NUP205: variants seen among roughly 807,000 people sequenced by gnomAD.
The protein encoded by NUP205 is nuclear pore complex protein Nup205.
Under a neutral mutation model 253.8 loss-of-function variants are expected in NUP205, and 76 were observed. That is an observed-to-expected ratio of 0.30 (90% CI 0.25 to 0.36). The LOEUF (loss-of-function observed/expected upper bound fraction) is 0.36, where lower values mean the gene tolerates loss of function less well. Among genes scored for constraint, NUP205 ranks in the 10% least tolerant of loss-of-function variants. The pLI, the probability that NUP205 is intolerant of heterozygous loss-of-function variation, is 1.00. For missense variants in NUP205, 2,162 were observed against 2,425.5 expected (o/e 0.89, Z 2.28); for synonymous variants, 832 against 850.1 (o/e 0.98, Z 0.37).
chr7:135,570,687 T>TA (rs1358694210), intron 1 of NUP205, among the ~76,000 whole-genome samples: 1 of 83,482 alleles, frequency 1.2e-5, no homozygotes, highest in Non-Finnish European at 2.2e-5. Context: ...ATATTAATTA[T>TA]ATTAATATAA....
At chr7:135,638,104 A>C in intron 37 of NUP205, 45 bp downstream of exon 37, 2 of 1,591,556 alleles carry the variant, frequency 1.3e-6, no homozygotes, top group Non-Finnish European at 8.5e-7. Flanking sequence ...TTTTTGGAAA[A>C]TGTTGATAAA....
chr7:135,578,826 A>T lies in NUP205; in HGVS notation c.953A>T (p.Gln318Leu), dbSNP rs761547741. Residue 318 changes from glutamine to leucine, a missense_variant, in exon 7 of 43, where the codon CAG becomes CTG. Physicochemically the swap from Gln to Leu is moderately radical, Grantham distance 113. Transcript: ENST00000285968. ...ATIHSRLQDSQLWKLPGLQAT... is the reference protein window; with the variant it reads ...ATIHSRLQDSLLWKLPGLQAT... ...ATTCACTCTCGTCTTCAGGACTCAC[A>T]GCTTTGGAAACTGCCTGGGCTCCAA... 2 of 1,612,422 alleles carry T rather than the reference A, an allele frequency of 1.2e-6. No individual in the cohort carries two copies. Among genetic ancestry groups the T allele is most frequent in the Non-Finnish European group, 1.7e-6 (2 of 1,179,496 alleles).
At chr7:135,577,332 A>C (rs183714847) in intron 5 of NUP205, among the ~76,000 whole-genome samples, 2 of 152,304 alleles carry the variant, frequency 1.3e-5, no homozygotes, top group East Asian at 1.9e-4. Context: ...ATTTTGATAC[A>C]TATGTATGAT....
chr7:135,570,044 TATATATATAGAGAGAGAG>T (rs1287928275), intron 1 of NUP205, among the ~76,000 whole-genome samples: 2 of 101,866 alleles, frequency 2.0e-5, no homozygotes, highest in Non-Finnish European at 4.4e-5. Context: ...TATATATATA[TATATATATAGAGAGAGAG>T]AGAGAGAGAG....
intron 22 of NUP205, among the ~76,000 whole-genome samples, chr7:135,610,759 T>C (rs1034870347): frequency 1.3e-5 from 2 of 152,184 alleles, no homozygotes; most frequent in African/African-American, 4.8e-5. Flanking sequence ...AAGAAGAGCT[T>C]GTTAGTTTAA....
Position 135,571,218 on chromosome 7 carries a change from C to A in NUP205, c.142C>A (p.Pro48Thr). The A allele has an allele frequency of 7.0e-7, 1 of 1,431,340 alleles. No homozygotes were observed. The highest frequency in any genetic ancestry group is 1.8e-5 in the South Asian group (1 of 56,704). The allele number at this position is 1,431,340 out of a possible 1,614,324, so 88.7% of individuals were successfully genotyped here. Residue 48 changes from proline to threonine, a missense_variant, in exon 2 of 43, where the codon CCT becomes ACT. Pro to Thr is a conservative substitution (Grantham distance 38). Transcript: ENST00000285968. ...LLDKILKKHK[P>T]DFISLFKNPP... ...TGATAAGATTTTGAAGAAACACAAA[C>A]CTGACTTCATCTCATTGTTCAAAAA...
intron 35 of NUP205, among the ~76,000 whole-genome samples, chr7:135,632,586 C>T (rs1014495521): frequency 2.6e-5 from 4 of 151,892 alleles, no homozygotes; most frequent in Non-Finnish European, 5.9e-5. Context: ...GAGAGTTGGC[C>T]AGGGCTGAGT....
chr7:135,576,604 G>A (rs942952472), intron 4 of NUP205, among the ~76,000 whole-genome samples, 190 bp downstream of exon 4: 3 of 152,042 alleles, frequency 2.0e-5, no homozygotes, highest in Non-Finnish European at 1.5e-5. Context: ...AATTTGGACC[G>A]AGGTGCAGTG....
intron 18 of NUP205, among the ~76,000 whole-genome samples, chr7:135,603,641 C>T (rs1794016177): frequency 6.7e-6 from 1 of 149,148 alleles, no homozygotes; most frequent in Non-Finnish European, 1.5e-5. Flanking sequence ...TCCCCAGTAG[C>T]TGGGACTATA....
Position 135,619,830 on chromosome 7 carries a change from T to A in NUP205, c.4272T>A (p.Ser1424=). ...GAGTGAGGACTCACTTGTATGGCTCTCTGCTTTATTACTTACAGATTGCCC... is the reference window on the plus strand; with the variant it reads ...GAGTGAGGACTCACTTGTATGGCTCACTGCTTTATTACTTACAGATTGCCC... ...FQRVRTHLYG[S]LLYYLQIAQR... The change falls in exon 30 of 43, where the codon TCT becomes TCA. Residue 1424 remains serine, a synonymous_variant. Transcript: ENST00000285968. 6.2e-7 allele frequency: 1 copy of A among 1,614,042 alleles called. No homozygotes were observed. Among genetic ancestry groups the A allele is most frequent in the Non-Finnish European group, 8.5e-7 (1 of 1,179,928 alleles).
intron 2 of NUP205, among the ~76,000 whole-genome samples, chr7:135,573,219 C>T (rs1228070090): frequency 6.6e-6 from 1 of 151,966 alleles, no homozygotes. Context: ...AATATTTGCA[C>T]CAAATTATCT....
intron 35 of NUP205, chr7:135,635,315 T>C (rs766666493): frequency 4.1e-6 from 1 of 242,542 alleles, no homozygotes. Flanking sequence ...ATAAAAAAAT[T>C]AGATTTTTCT....
chr7:135,638,255 C>A (rs1205262504), intron 37 of NUP205, among the ~76,000 whole-genome samples, 196 bp downstream of exon 37: 7 of 151,516 alleles, frequency 4.6e-5, no homozygotes, highest in Non-Finnish European at 1.0e-4. Flanking sequence ...ACTAAAAATA[C>A]AAAAAAAATT....
At chr7:135,628,534 A>G (rs1019692178) in intron 34 of NUP205, among the ~76,000 whole-genome samples, 1 of 152,218 alleles carries the variant, frequency 6.6e-6, no homozygotes, top group Non-Finnish European at 1.5e-5. Context: ...TACTGCATTT[A>G]TATATGATAG....
intron 31 of NUP205, 55 bp from the exon 32 acceptor site, chr7:135,625,106 CTGT>C: frequency 5.5e-6 from 7 of 1,273,520 alleles, no homozygotes; most frequent in Non-Finnish European, 7.8e-6. Context: ...AATTCAGTTA[CTGT>C]TGTTGATTTT....
At chr7:135,632,829 T>C (rs1200635907) in intron 35 of NUP205, among the ~76,000 whole-genome samples, 1 of 152,204 alleles carries the variant, frequency 6.6e-6, no homozygotes, top group Non-Finnish European at 1.5e-5. Flanking sequence ...CTCAATGTAC[T>C]TCTGTAAATT....
chr7:135,576,190 A>T, intron 3 of NUP205, 80 bp from the exon 4 acceptor site: 1 of 1,249,778 alleles, frequency 8.0e-7, no homozygotes, highest in Non-Finnish European at 1.2e-6. Flanking sequence ...TTTGAACTGA[A>T]CATTGTTATA....
At chr7:135,563,411 T>A (rs556282808) in intron 1 of NUP205, among the ~76,000 whole-genome samples, 2 of 152,128 alleles carry the variant, frequency 1.3e-5, no homozygotes, top group African/African-American at 4.8e-5. Context: ...ACGGTCTTGA[T>A]CTCCTGACCT....
chr7:135,630,074 T>C (rs1476281585), intron 34 of NUP205, among the ~76,000 whole-genome samples: 1 of 152,212 alleles, frequency 6.6e-6, no homozygotes, highest in Non-Finnish European at 1.5e-5. Flanking sequence ...AGTCTCCAAA[T>C]GTATTAACTT....
Sources: gnomAD v4.1 joint callset for allele counts (sites outside exome capture counted in the v4.1 genomes callset) on GRCh38, gnomAD v4.1.1 for gene constraint, MANE v1.5 for transcripts, NCBI Gene and HGNC (gene_info 2026-07-23, HGNC 2026-07-21) for gene names.